GPC6: variants seen among roughly 807,000 people sequenced by gnomAD.
GPC6 encodes glypican 6.
In GPC6, 14 loss-of-function variants were observed where a neutral mutation model predicts 55.2. The observed-to-expected ratio is 0.25, with a 90% CI of 0.17 to 0.40. The LOEUF is 0.40. Among genes scored for constraint, GPC6 ranks in the 10% least tolerant of loss-of-function variants. The pLI is 1.00. For missense variants in GPC6, 641 were observed against 708.5 expected (o/e 0.90, Z 1.08); for synonymous variants, 278 against 259.6 (o/e 1.07, Z -0.68).
At chr13:93,272,890 T>C (rs1877585227) in intron 1 of GPC6, among the ~76,000 whole-genome samples, 1 of 152,214 alleles carries the variant, frequency 6.6e-6, no homozygotes, top group Non-Finnish European at 1.5e-5. Context: ...AACAGAATTA[T>C]GCTTCTTTCT....
chr13:93,872,576 G>C (rs1889162295), intron 3 of GPC6, among the ~76,000 whole-genome samples: 1 of 151,892 alleles, frequency 6.6e-6, no homozygotes, highest in Admixed American at 6.6e-5. Flanking sequence ...CTGTCCAGCT[G>C]CTGGAGGACA....
At chr13:93,391,992 G>A (rs1875653307) in intron 1 of GPC6, among the ~76,000 whole-genome samples, 1 of 152,180 alleles carries the variant, frequency 6.6e-6, no homozygotes. Context: ...CTTACAGAAG[G>A]TGTTCTGTTG....
chr13:93,553,872 C>A (rs1875302348), intron 2 of GPC6, among the ~76,000 whole-genome samples: 1 of 130,086 alleles, frequency 7.7e-6, no homozygotes. Flanking sequence ...CAGCACAGTG[C>A]CTCGTGCCTG....
intron 1 of GPC6, among the ~76,000 whole-genome samples, chr13:93,298,615 CTTTTTTT>C (rs11327936): frequency 1.1e-3 from 158 of 145,802 alleles, no homozygotes; most frequent in African/African-American, 3.9e-3. Flanking sequence ...TTTCTTTTTT[CTTTTTTT>C]TTTTTATAGG....
At chr13:93,570,019 T>C (rs545671065) in intron 2 of GPC6, among the ~76,000 whole-genome samples, 10 of 152,292 alleles carry the variant, frequency 6.6e-5, no homozygotes, top group South Asian at 4.1e-4. Context: ...TTTGTAAATA[T>C]ACCACATTAT....
At chr13:93,484,010 A>G (rs1879610728) in intron 1 of GPC6, among the ~76,000 whole-genome samples, 1 of 152,176 alleles carries the variant, frequency 6.6e-6, no homozygotes, top group Non-Finnish European at 1.5e-5. Flanking sequence ...TTCCTTGTTT[A>G]GACTCTTAGA....
intron 1 of GPC6, among the ~76,000 whole-genome samples, chr13:93,329,902 T>C (rs1879785191): frequency 6.6e-6 from 1 of 152,148 alleles, no homozygotes; most frequent in African/African-American, 2.4e-5. Flanking sequence ...AAAATGAAAT[T>C]ATAAATAAAT....
intron 1 of GPC6, among the ~76,000 whole-genome samples, chr13:93,338,612 T>C (rs1000309177): frequency 6.6e-6 from 1 of 152,212 alleles, no homozygotes; most frequent in African/African-American, 2.4e-5. Flanking sequence ...AATGTGGTAC[T>C]TTATTAATTA....
chr13:93,251,422 G>A (rs1414618938), intron 1 of GPC6, among the ~76,000 whole-genome samples: 1 of 152,136 alleles, frequency 6.6e-6, no homozygotes, highest in Non-Finnish European at 1.5e-5. Context: ...TGTTTTTAAA[G>A]TATTTGTAAA....
chr13:94,382,231 G>A (rs1462842744), intron 6 of GPC6, among the ~76,000 whole-genome samples, 183 bp from the exon 7 acceptor site: 4 of 152,172 alleles, frequency 2.6e-5, no homozygotes, highest in Non-Finnish European at 5.9e-5. Context: ...AGGACTGAGG[G>A]AGAGGAAAGG....
At chr13:93,479,942 T>G (rs185540094) in intron 1 of GPC6, among the ~76,000 whole-genome samples, 92 of 152,246 alleles carry the variant, frequency 6.0e-4, no homozygotes, top group Admixed American at 1.3e-3. Context: ...AAATGAGACA[T>G]GCATATAGAG....
At chr13:93,517,308 G>C (rs1220304711) in intron 1 of GPC6, among the ~76,000 whole-genome samples, 1 of 151,870 alleles carries the variant, frequency 6.6e-6, no homozygotes, top group Non-Finnish European at 1.5e-5. Context: ...GGCCCTTTGG[G>C]GATAATGTGT....
chr13:94,172,470 T>C lies in GPC6; in HGVS notation c.878-113879T>C, dbSNP rs372509972. On this transcript the variant is annotated intron_variant, in intron 4 of 8. Transcript: ENST00000377047. The stretch of plus-strand genomic sequence containing the variant: ...ATAATCACAAAATGTTTTCAGATAC[T>C]CTAAAGCAGAGGTCAACAAATTATA... Among the ~76,000 whole-genome samples, 9 of 152,344 alleles carry C rather than the reference T, an allele frequency of 5.9e-5. No homozygotes were observed. The East Asian group carries it at 1.2e-3, about 20-fold the overall frequency.
At chr13:94,152,653 C>CT (rs1356163003) in intron 4 of GPC6, among the ~76,000 whole-genome samples, 1 of 137,168 alleles carries the variant, frequency 7.3e-6, no homozygotes, top group Non-Finnish European at 1.6e-5. Context: ...CTCAAGCCTA[C>CT]TTTAAAAAAA....
chr13:93,435,119 C>CT lies in GPC6; in HGVS notation c.161-110138dup, dbSNP rs905759569. On this transcript the variant is annotated intron_variant, in intron 1 of 8. Coordinates refer to ENST00000377047, the MANE Select transcript of GPC6 (RefSeq NM_005708.5). ...AATAATATTGGTTAATTTCTTTTTA[C>CT]TTTTTTATTTTTGGAGACATGGTCT... Among the ~76,000 whole-genome samples, 33 of 151,518 alleles carry CT rather than the reference C, an allele frequency of 2.2e-4. 1 individual carries two copies. Among genetic ancestry groups the CT allele is most frequent in the African/African-American group, 6.1e-4 (25 of 41,300 alleles).
intron 2 of GPC6, among the ~76,000 whole-genome samples, chr13:93,784,980 A>G (rs1294713926): frequency 5.9e-5 from 9 of 152,192 alleles, no homozygotes; most frequent in Non-Finnish European, 1.0e-4. Context: ...AAACTTCAAA[A>G]GAAGTTGACA....
intron 2 of GPC6, among the ~76,000 whole-genome samples, chr13:93,561,691 A>C (rs748472119): frequency 6.6e-6 from 1 of 151,990 alleles, no homozygotes; most frequent in Non-Finnish European, 1.5e-5. Context: ...TCTAGTTTGC[A>C]TTCCCCCAAC....
intron 4 of GPC6, among the ~76,000 whole-genome samples, chr13:94,131,459 G>A (rs1333570381): frequency 6.6e-6 from 1 of 152,092 alleles, no homozygotes; most frequent in Non-Finnish European, 1.5e-5. Context: ...GGAACATTTT[G>A]TTAACACAGC....
intron 1 of GPC6, among the ~76,000 whole-genome samples, chr13:93,509,873 T>G (rs1393747124): frequency 6.6e-6 from 1 of 152,252 alleles, no homozygotes; most frequent in Non-Finnish European, 1.5e-5. Context: ...GCATAATAGT[T>G]AGGACAGCTC....
Sources: gnomAD v4.1 joint callset for allele counts (sites outside exome capture counted in the v4.1 genomes callset) on GRCh38, gnomAD v4.1.1 for gene constraint, MANE v1.5 for transcripts, NCBI Gene and HGNC (gene_info 2026-07-23, HGNC 2026-07-21) for gene names.